ACOT12: variants seen among roughly 807,000 people sequenced by gnomAD.
ACOT12 encodes the protein acyl-CoA thioesterase 12.
ACOT12 carries 51 observed loss-of-function variants against 67.7 expected under a neutral mutation model. The ratio of observed to expected loss-of-function variants is 0.75; its 90% CI spans 0.60 to 0.95. ACOT12 has a LOEUF of 0.95. ACOT12 is among the 40% of genes least tolerant of loss of function. The pLI is 0.00. For synonymous variants in ACOT12, 251 were observed against 244.6 expected (o/e 1.03, Z -0.24); for missense variants, 734 against 708.1 (o/e 1.04, Z -0.41).
chr5:81,356,847 C>G (rs1392813271), intron 5 of ACOT12, among the ~76,000 whole-genome samples: 1 of 152,036 alleles, frequency 6.6e-6, no homozygotes, highest in Non-Finnish European at 1.5e-5. Context: ...CACCCCTCGC[C>G]TTTCGCCTGG....
chr5:81,335,615 C>G (rs1276755743), intron 12 of ACOT12, among the ~76,000 whole-genome samples, 153 bp downstream of exon 12: 2 of 152,192 alleles, frequency 1.3e-5, no homozygotes, highest in Non-Finnish European at 2.9e-5. Flanking sequence ...CCACCTGCCT[C>G]AGCCTCCCAA....
the ACOT12 span, among the ~76,000 whole-genome samples, chr5:81,316,095 TCACA>T: frequency 6.3e-4 from 96 of 152,336 alleles, 1 homozygote; most frequent in South Asian, 0.02. Flanking sequence ...GGGGGCAGTA[TCACA>T]CTGGAAAATT....
At chr5:81,376,225 G>T (rs998236515) in intron 2 of ACOT12, among the ~76,000 whole-genome samples, 6 of 151,998 alleles carry the variant, frequency 3.9e-5, no homozygotes, top group Admixed American at 2.0e-4. Context: ...TGAACAACCT[G>T]CTCCTGAATG....
At chr5:81,368,295 A>T (rs1033278398) in intron 3 of ACOT12, among the ~76,000 whole-genome samples, 4 of 151,904 alleles carry the variant, frequency 2.6e-5, no homozygotes, top group South Asian at 2.1e-4. Context: ...CCATCTCAAA[A>T]AATAATAATA....
the ACOT12 span, among the ~76,000 whole-genome samples, chr5:81,317,721 G>A: frequency 6.6e-6 from 1 of 152,018 alleles, no homozygotes; most frequent in East Asian, 1.9e-4. Flanking sequence ...AGAACAGCAA[G>A]GGGAAGTCTG....
At chr5:81,340,167 A>G (rs1284068748) in intron 11 of ACOT12, among the ~76,000 whole-genome samples, 1 of 151,438 alleles carries the variant, frequency 6.6e-6, no homozygotes, top group Non-Finnish European at 1.5e-5. Flanking sequence ...CCTCCCAAGC[A>G]GCTGAGATTA....
intron 3 of ACOT12, 105 bp from the exon 4 acceptor site, chr5:81,363,994 T>C: frequency 1.7e-6 from 1 of 588,476 alleles, no homozygotes; most frequent in Non-Finnish European, 2.6e-6. Flanking sequence ...ATTTTAAAAA[T>C]GAAACCAGAA....
At chr5:81,323,729 A>C in the ACOT12 span, among the ~76,000 whole-genome samples, 3 of 151,864 alleles carry the variant, frequency 2.0e-5, no homozygotes, top group Non-Finnish European at 4.4e-5. Flanking sequence ...TTGAGGAGAA[A>C]TGTGACATGA....
chr5:81,333,084 A>T (rs180904685), intron 12 of ACOT12, among the ~76,000 whole-genome samples: 305 of 135,690 alleles, frequency 2.2e-3, no homozygotes, highest in African/African-American at 9.3e-3. Flanking sequence ...AAAAAGCCAC[A>T]ACAAACAAAC....
intron 2 of ACOT12, among the ~76,000 whole-genome samples, chr5:81,378,846 A>T (rs1046587041): frequency 2.6e-5 from 4 of 152,246 alleles, no homozygotes. Context: ...GATGCTGGAC[A>T]GTACATGGGG....
chr5:81,385,434 T>A (rs1367195668), intron 2 of ACOT12, among the ~76,000 whole-genome samples: 1 of 152,132 alleles, frequency 6.6e-6, no homozygotes, highest in Non-Finnish European at 1.5e-5. Context: ...ACTACTGCAC[T>A]CCAGTCTGGG....
In ACOT12 at chr5:81,330,539, G is replaced by T. The variant is rs1215611043; in HGVS notation, c.1523C>A (p.Ser508Tyr). The T allele has an allele frequency of 1.7e-5, 27 of 1,612,588 alleles. No homozygotes were observed. The highest frequency in any genetic ancestry group is 2.2e-5 in the Non-Finnish European group (26 of 1,179,592). ...HAIDSNSCIV[S>Y]YFNHMSASIL... Reference sequence around the variant, plus strand: ...GCTAGCAGACATATGGTTAAAGTAAGATACCTGTTTCAAAAAGAAAGTACA... The same window carrying T: ...GCTAGCAGACATATGGTTAAAGTAATATACCTGTTTCAAAAAGAAAGTACA... The change falls in exon 15 of 15, where the codon TCT becomes TAT. Residue 508 changes from serine to tyrosine, a missense_variant. By Grantham distance (144) the Ser-to-Tyr change is moderately radical. Transcript: ENST00000307624.
At chr5:81,327,588 G>A (rs1027379053), downstream of ACOT12, among the ~76,000 whole-genome samples, 4 of 152,146 alleles carry the variant, frequency 2.6e-5, no homozygotes, top group South Asian at 2.1e-4. Flanking sequence ...TTACAGGTGC[G>A]CAGCACCACA....
chr5:81,311,357 A>T, the ACOT12 span: 1 of 1,406,104 alleles, frequency 7.1e-7, no homozygotes, highest in Admixed American at 1.7e-5. Flanking sequence ...GTTATTAATA[A>T]CTCAATTGGG....
In ACOT12 at chr5:81,392,539, G is replaced by A. The variant is rs1020048624; in HGVS notation, c.127+1449C>T. On this transcript the variant is annotated intron_variant, in intron 1 of 14. Coordinates refer to ENST00000307624, the MANE Select transcript of ACOT12 (RefSeq NM_130767.3). ...GTCATAGAAATGATGACAATTGCAG[G>A]TGGGCCATTGTTTCTCCATCACAAG... Among the ~76,000 whole-genome samples the A allele has an allele frequency of 3.3e-5, 5 of 152,234 alleles. No individual in the cohort carries two copies. In the East Asian group the frequency reaches 7.7e-4, roughly 24 times the overall value.
At chr5:81,342,224 C>T (rs568009375) in intron 11 of ACOT12, among the ~76,000 whole-genome samples, 12 of 152,282 alleles carry the variant, frequency 7.9e-5, no homozygotes, top group African/African-American at 2.9e-4. Flanking sequence ...CTCCTGGCCT[C>T]AAGGGATCCT....
intron 5 of ACOT12, among the ~76,000 whole-genome samples, chr5:81,357,447 A>T (rs1759751991): frequency 1.3e-5 from 2 of 152,032 alleles, no homozygotes; most frequent in African/African-American, 4.8e-5. Context: ...GCTGAGAGGG[A>T]AGGAGTCCTT....
At chr5:81,359,187 G>C (rs1759821611) in intron 5 of ACOT12, among the ~76,000 whole-genome samples, 1 of 152,138 alleles carries the variant, frequency 6.6e-6, no homozygotes, top group Non-Finnish European at 1.5e-5. Flanking sequence ...TGAGCTTGTG[G>C]GGCCTGGGCG....
chr5:81,336,554 G>C (rs1010990604), intron 11 of ACOT12, among the ~76,000 whole-genome samples: 3 of 152,144 alleles, frequency 2.0e-5, no homozygotes, highest in African/African-American at 7.2e-5. Flanking sequence ...TTGTCCTGGG[G>C]AGCCATTTGA....
Sources: allele counts gnomAD v4.1 joint callset (sites outside exome capture counted in the v4.1 genomes callset), GRCh38; gene constraint gnomAD v4.1.1; transcripts MANE v1.5; gene names NCBI Gene and HGNC (gene_info 2026-07-23, HGNC 2026-07-21).